Variants in EPHA3 observed in about 807,000 individuals in gnomAD.
EPHA3 encodes the protein EPH receptor A3.
EPHA3 carries 42 observed loss-of-function variants against 107.1 expected under a neutral mutation model. The observed-to-expected ratio is 0.39, with a 90% CI of 0.31 to 0.51. The LOEUF (loss-of-function observed/expected upper bound fraction) is 0.51. Ranked by LOEUF, EPHA3 falls within the 20% of genes least tolerant of loss-of-function variation. The pLI is 0.78. For missense variants in EPHA3, 1,183 were observed against 1,211.2 expected, an observed-to-expected ratio of 0.98 and a Z score of 0.35; for synonymous variants, 461 against 424.8, an observed-to-expected ratio of 1.09 and a Z score of -1.05.
At chr3:89,380,943 AG>A (rs1231533812) in intron 5 of EPHA3, among the ~76,000 whole-genome samples, 2 of 151,136 alleles carry the variant, frequency 1.3e-5, no homozygotes, top group African/African-American at 4.9e-5. Context: ...TAATAGTAGT[AG>A]CTTTTTAACC....
intron 5 of EPHA3, among the ~76,000 whole-genome samples, chr3:89,394,178 A>G (rs1708802962): frequency 6.6e-6 from 1 of 152,170 alleles, no homozygotes; most frequent in African/African-American, 2.4e-5. Context: ...TGGGAGGCCT[A>G]CCGGGGAGAA....
chr3:89,373,235 G>A (rs78745763), intron 5 of EPHA3, among the ~76,000 whole-genome samples: 2,327 of 151,372 alleles, frequency 0.015, 44 homozygotes, highest in African/African-American at 0.054. Context: ...TTTTTTTCTT[G>A]TTGTTTTTTG....
intron 2 of EPHA3, among the ~76,000 whole-genome samples, chr3:89,132,666 T>A (rs534615140): frequency 6.6e-6 from 1 of 152,246 alleles, no homozygotes; most frequent in South Asian, 2.1e-4. Flanking sequence ...GGCCAGGGCT[T>A]CAGGATCAGC....
chr3:89,434,531 T>C (rs564197195), intron 13 of EPHA3, among the ~76,000 whole-genome samples: 3 of 152,122 alleles, frequency 2.0e-5, no homozygotes, highest in Non-Finnish European at 4.4e-5. Context: ...TATTAAATTA[T>C]TATGTGAGAG....
chr3:89,173,182 A>T (rs1275279855), intron 2 of EPHA3, among the ~76,000 whole-genome samples: 2 of 152,098 alleles, frequency 1.3e-5, no homozygotes, highest in African/African-American at 4.8e-5. Context: ...AACTCTAAGT[A>T]GAGATGCATC....
At chr3:89,321,212 TG>T (rs1707036710) in intron 3 of EPHA3, among the ~76,000 whole-genome samples, 2 of 152,014 alleles carry the variant, frequency 1.3e-5, no homozygotes, top group Non-Finnish European at 1.5e-5. Context: ...GCATGTGAGT[TG>T]AAGAAGGAAG....
chr3:89,211,120 C>G (rs887548291), intron 3 of EPHA3, among the ~76,000 whole-genome samples: 2 of 151,970 alleles, frequency 1.3e-5, no homozygotes, highest in Non-Finnish European at 2.9e-5. Flanking sequence ...GTCTTTTGCA[C>G]CATGATTTGG....
At chr3:89,358,349 T>C (rs1708011684) in intron 5 of EPHA3, among the ~76,000 whole-genome samples, 1 of 151,032 alleles carries the variant, frequency 6.6e-6, no homozygotes, top group African/African-American at 2.4e-5. Flanking sequence ...GTAAATGTGG[T>C]CTAAAAAAAA....
intron 13 of EPHA3, among the ~76,000 whole-genome samples, chr3:89,448,609 A>G (rs1709925243): frequency 6.6e-6 from 1 of 152,204 alleles, no homozygotes; most frequent in Admixed American, 6.5e-5. Flanking sequence ...TATCTAATTT[A>G]TATGGTGCTT....
intron 2 of EPHA3, among the ~76,000 whole-genome samples, chr3:89,161,021 A>G (rs1457119776): frequency 6.6e-6 from 1 of 152,176 alleles, no homozygotes; most frequent in Non-Finnish European, 1.5e-5. Context: ...AAAAATTAGC[A>G]GTAAGTCCAC....
In EPHA3 at chr3:89,481,540, G is replaced by A. The variant is rs926580453; in HGVS notation, c.*2038G>A. 3.0e-5 allele frequency: 7 copies of A among 231,876 alleles called. No homozygotes were observed. Among genetic ancestry groups the A allele is most frequent in the Admixed American group, 1.7e-4 (3 of 17,704 alleles). 14.4% of individuals were successfully genotyped at this position (231,876 alleles called of 1,614,324 possible). A position where few individuals can be genotyped will look rare whatever the true frequency, so the allele number is the denominator to read the frequency against. On this transcript the variant is annotated 3_prime_UTR_variant, in exon 17 of 17. Coordinates refer to ENST00000336596, the MANE Select transcript of EPHA3 (RefSeq NM_005233.6). ...TTTTCTTTTTTAGGTACTATTCTGA[G>A]CATACTCAACAAAACCCATGCATTT...
chr3:89,367,225 G>T (rs1381415735), intron 5 of EPHA3, among the ~76,000 whole-genome samples: 1 of 150,822 alleles, frequency 6.6e-6, no homozygotes, highest in East Asian at 1.9e-4. Context: ...ACTCGCTACA[G>T]GTTCATGCCT....
intron 3 of EPHA3, among the ~76,000 whole-genome samples, chr3:89,319,815 G>GT (rs1272997907): frequency 6.6e-6 from 1 of 151,866 alleles, no homozygotes; most frequent in Non-Finnish European, 1.5e-5. Context: ...ATTATTAGTG[G>GT]TTTTCAGTAG....
At chr3:89,331,224 T>C (rs1340315896) in intron 3 of EPHA3, among the ~76,000 whole-genome samples, 1 of 152,220 alleles carries the variant, frequency 6.6e-6, no homozygotes, top group Non-Finnish European at 1.5e-5. Flanking sequence ...GATTTTTTAT[T>C]GTGTATGTGC....
At position 89,212,897 on chromosome 3, in the gene EPHA3, G is replaced by A. The variant is rs116276793; in HGVS notation, c.814+2377G>A. Among the ~76,000 whole-genome samples, 761 of 152,048 alleles carry A rather than the reference G, an allele frequency of 5.0e-3. 5 individuals are homozygous for A. The highest frequency in any genetic ancestry group is 0.017 in the African/African-American group (718 of 41,514). On this transcript the variant is annotated intron_variant, in intron 3 of 16. Coordinates refer to ENST00000336596, the MANE Select transcript of EPHA3 (RefSeq NM_005233.6). ...TACATTAGCAGCTAAATAGAAAAGT[G>A]TGTTTGATGTGATGTATGAAGACAC... is the stretch of plus-strand genomic sequence containing the variant.
intron 3 of EPHA3, among the ~76,000 whole-genome samples, chr3:89,338,024 G>C (rs1707432504): frequency 6.6e-6 from 1 of 152,192 alleles, no homozygotes; most frequent in Admixed American, 6.5e-5. Flanking sequence ...TTGGCTTCAA[G>C]TTGTATTTGT....
chr3:89,125,460 GA>G (rs544101418), intron 1 of EPHA3, among the ~76,000 whole-genome samples: 30 of 151,620 alleles, frequency 2.0e-4, no homozygotes, highest in African/African-American at 7.0e-4. Flanking sequence ...CTATAACATT[GA>G]TTAATTGGTT....
rs535268502 is a variant in EPHA3 at position 89,194,160 on chromosome 3, A to G, written c.154-15700A>G. On this transcript the variant is annotated intron_variant, in intron 2 of 16. Transcript: ENST00000336596. ...ATGTAACTTTTCTTTAAAAATACTA[A>G]TATTTCAGAACTTGTTAAAACATAC... Among the ~76,000 whole-genome samples the G allele has an allele frequency of 1.7e-4, 26 of 152,136 alleles. No individual in the cohort carries two copies. In the East Asian group the frequency reaches 4.8e-3, roughly 28 times the overall value.
At chr3:89,389,814 C>T (rs1475387938) in intron 5 of EPHA3, among the ~76,000 whole-genome samples, 2 of 152,188 alleles carry the variant, frequency 1.3e-5, no homozygotes, top group African/African-American at 4.8e-5. Context: ...CAAGGAGACA[C>T]TTTCTAGCCA....
Sources: gnomAD v4.1 joint callset for allele counts (sites outside exome capture counted in the v4.1 genomes callset) on GRCh38, gnomAD v4.1.1 for gene constraint, MANE v1.5 for transcripts, NCBI Gene and HGNC (gene_info 2026-07-23, HGNC 2026-07-21) for gene names.